GRHL1: variants seen among roughly 807,000 people sequenced by gnomAD.
The protein encoded by GRHL1 is grainyhead like transcription factor 1.
A neutral mutation model predicts 75.7 loss-of-function variants in GRHL1; 38 were observed. The observed-to-expected ratio is 0.50, with a 90% CI of 0.39 to 0.66. GRHL1 has a LOEUF of 0.66. Among genes scored for constraint, GRHL1 ranks in the 30% least tolerant of loss-of-function variants. The pLI, the probability that GRHL1 is intolerant of heterozygous loss-of-function variation, is 0.00. For synonymous variants in GRHL1, 266 were observed against 279.4 expected (o/e 0.95, Z 0.48); for missense variants, 589 against 767.5 (o/e 0.77, Z 2.75).
In GRHL1 at chr2:9,955,045, A is replaced by G. The variant is rs1044562083; in HGVS notation, c.151A>G (p.Ile51Val). ...TGCAGCGACCAAAGCGATGATGAGC[A>G]TCAATGGAGATGAAGACAGCGCCGC... The part of the protein sequence containing the change: ...LTAATKAMMS[I>V]NGDEDSAAAL... The change falls in exon 2 of 16, where the codon ATC (isoleucine) becomes GTC (valine). Residue 51 changes from isoleucine (I) to valine (V), a missense_variant. Coordinates refer to ENST00000324907, the MANE Select transcript of GRHL1 (RefSeq NM_198182.3). 13 of 1,613,756 alleles carry G rather than the reference A, an allele frequency of 8.1e-6. No individual in the cohort carries two copies. Among genetic ancestry groups the G allele is most frequent in the Non-Finnish European group, 8.5e-6 (10 of 1,179,764 alleles).
chr2:10,000,721 A>T lies in GRHL1; in HGVS notation c.*14A>T. 7.1e-7 allele frequency: 1 copy of T among 1,409,432 alleles called. No homozygotes were observed. The highest frequency in any genetic ancestry group is 1.0e-6 in the Non-Finnish European group (1 of 994,598). 87.3% of individuals were successfully genotyped at this position (1,409,432 alleles called of 1,614,324 possible). On this transcript the variant is annotated 3_prime_UTR_variant, in exon 16 of 16. Transcript: ENST00000324907. ...ACGGAGATCTAAAGGCCTGCGGGCC[A>T]CAGCTCCCCAGGAGTTCAGTGCAGG...
In GRHL1 at chr2:9,993,244, G is replaced by A; in HGVS notation, c.1499G>A (p.Gly500Asp). The A allele has an allele frequency of 6.2e-7, 1 of 1,609,182 alleles. No homozygotes were observed. The highest frequency in any genetic ancestry group is 8.5e-7 in the Non-Finnish European group (1 of 1,175,528). Residue 500 changes from glycine (G) to aspartate (D), a missense_variant and splice_region_variant, in exon 12 of 16, where the codon GGC becomes GAC. Gly to Asp is a moderately conservative substitution (Grantham distance 94). Transcript: ENST00000324907. ...PIASEELEGE[G>D]SVLKRGPYGT... The stretch of plus-strand genomic sequence containing the variant: ...GCCTCTGAAGAATTGGAGGGTGAAG[G>A]GTAAGATTTATGTTTTGTTTTGTTT...
At position 9,958,825 on chromosome 2, in the gene GRHL1, G is replaced by T; in HGVS notation, c.247G>T (p.Val83Leu). 6.2e-7 allele frequency: 1 copy of T among 1,613,854 alleles called. No individual in the cohort carries two copies. Among genetic ancestry groups the T allele is most frequent in the Non-Finnish European group, 8.5e-7 (1 of 1,179,774 alleles). ...ERRSSTAKPE[V>L]EHPEPDHSKR... The stretch of plus-strand genomic sequence containing the variant: ...AAGGTCATCAACAGCAAAGCCAGAG[G>T]TGGAGCACCCTGAGCCAGATCACAG... Residue 83 changes from valine to leucine, a missense_variant, in exon 3 of 16, where the codon GTG becomes TTG. Physicochemically the swap from Val to Leu is conservative, Grantham distance 32. Transcript: ENST00000324907.
intron 9 of GRHL1, among the ~76,000 whole-genome samples, chr2:9,986,657 A>G (rs1210810258): frequency 1.3e-5 from 2 of 151,994 alleles, no homozygotes; most frequent in Non-Finnish European, 1.5e-5. Context: ...AGCTCAGGTA[A>G]TCTGCCCACC....
intron 14 of GRHL1, among the ~76,000 whole-genome samples, chr2:9,998,423 C>CGTGCGTGTGTGT (rs1553306759): frequency 2.1e-4 from 7 of 33,860 alleles, no homozygotes; most frequent in African/African-American, 1.2e-3. Flanking sequence ...AGTGACTATG[C>CGTGCGTGTGTGT]ATGTGTGTGT....
intron 4 of GRHL1, among the ~76,000 whole-genome samples, chr2:9,961,693 C>T (rs1295129019): frequency 6.6e-6 from 1 of 152,118 alleles, no homozygotes; most frequent in Non-Finnish European, 1.5e-5. Flanking sequence ...AAGGGATTTG[C>T]TGGAGAAAGA....
At position 9,990,351 on chromosome 2, in the gene GRHL1, A is replaced by G. The variant is rs112793753; in HGVS notation, c.1270-345A>G. 0.021 allele frequency among the ~76,000 whole-genome samples: 3,249 copies of G among 152,032 alleles called. 121 individuals are homozygous for G. Among genetic ancestry groups the G allele is most frequent in the African/African-American group, 0.074 (3,064 of 41,454 alleles). On this transcript the variant is annotated intron_variant, in intron 9 of 15. Coordinates refer to ENST00000324907, the MANE Select transcript of GRHL1 (RefSeq NM_198182.3). This position sits in a 1 kb window ranked among gnomAD's most constrained non-coding sequence, Gnocchi z 4.2. ...TTTTTAGTAGAGGTGGGGTTTCACC[A>G]TGTTGGCCAGGCTGGTCTCGAACTC... is the stretch of plus-strand genomic sequence containing the variant.
At chr2:9,984,286 C>T (rs1337252798) in intron 8 of GRHL1, among the ~76,000 whole-genome samples, 1 of 152,128 alleles carries the variant, frequency 6.6e-6, no homozygotes, top group Non-Finnish European at 1.5e-5. Context: ...GGCTGTTGAC[C>T]CAGGGGCTAG....
Position 9,961,382 on chromosome 2 carries a change from A to G in GRHL1, c.615A>G (p.Gln205=). 6.2e-7 allele frequency: 1 copy of G among 1,614,138 alleles called. No individual in the cohort carries two copies. The highest frequency in any genetic ancestry group is 1.1e-5 in the South Asian group (1 of 91,068). The change falls in exon 4 of 16, where the codon CAA becomes CAG. Residue 205 remains glutamine, a synonymous_variant. Coordinates refer to ENST00000324907, the MANE Select transcript of GRHL1 (RefSeq NM_198182.3). ...CTGGTGCTCAAGCCCCAAATGCTCA[A>G]AGGCGAACTCCAGACTCGACCTTCT... The part of the protein sequence containing the change: ...FSSGAQAPNA[Q]RRTPDSTFSE...
intron 1 of GRHL1, among the ~76,000 whole-genome samples, 157 bp downstream of exon 1, chr2:9,952,010 G>A (rs756919507): frequency 7.1e-4 from 107 of 151,636 alleles, no homozygotes; most frequent in Non-Finnish European, 1.3e-3. Flanking sequence ...CACGGCCTTT[G>A]CCCCTTAGCC....
At position 9,955,112 on chromosome 2, in the gene GRHL1, C is replaced by T. The variant is rs371078694; in HGVS notation, c.207+11C>T. On this transcript the variant is annotated intron_variant, in intron 2 of 15. Transcript: ENST00000324907. ...TATGACTACTACAAGGTGGGTTTGC[C>T]TGCCTTTAAAACCCTTAACAGCAGT... 3.8e-6 allele frequency: 6 copies of T among 1,596,240 alleles called. No homozygotes were observed. Among genetic ancestry groups the T allele is most frequent in the African/African-American group, 1.3e-5 (1 of 74,162 alleles).
In GRHL1 at chr2:10,000,671, C is replaced by G. The variant is rs764591959; in HGVS notation, c.1821C>G (p.Ala607=). 6.2e-7 allele frequency: 1 copy of G among 1,611,272 alleles called. No individual in the cohort carries two copies. Among genetic ancestry groups the G allele is most frequent in the South Asian group, 1.1e-5 (1 of 90,934 alleles). Residue 607 remains alanine, a synonymous_variant, in exon 16 of 16, where the codon GCC becomes GCG. Coordinates refer to ENST00000324907, the MANE Select transcript of GRHL1 (RefSeq NM_198182.3). ...EDTFQLQIEE[A]GGSYKLTLTE... ...CCTTCCAGCTGCAGATTGAAGAAGC[C>G]GGGGGGTCTTACAAGCTCACCCTGA...
chr2:9,965,283 G>A lies in GRHL1; in HGVS notation c.1016-4G>A, dbSNP rs370872229. On this transcript the variant is annotated splice_region_variant and splice_polypyrimidine_tract_variant and intron_variant, in intron 7 of 15. Coordinates refer to ENST00000324907, the MANE Select transcript of GRHL1 (RefSeq NM_198182.3). ...TTCATTTTCTCTTCCACCGCTTCCT[G>A]TAGCTGACTATAAAGAAAGCTTCAA... 3 of 1,561,672 alleles carry A rather than the reference G, an allele frequency of 1.9e-6. No individual in the cohort carries two copies. Among genetic ancestry groups the A allele is most frequent in the African/African-American group, 1.4e-5 (1 of 73,920 alleles).
In GRHL1 at chr2:9,954,949, C is replaced by G. The variant is rs757409458; in HGVS notation, c.55C>G (p.Leu19Val). The change falls in exon 2 of 16, where the codon CTT (leucine) becomes GTT (valine). Residue 19 changes from leucine to valine, a missense_variant. By Grantham distance (32) the Leu-to-Val change is conservative. This residue lies in a region of GRHL1 where 362 missense variants were observed against 461.8 expected (regional missense o/e 0.78). Transcript: ENST00000324907. ...RPVLVLQNEALYPQRRSYTSE... is the reference protein window; with the variant it reads ...RPVLVLQNEAVYPQRRSYTSE... ...AGTGTTGGTTCTTCAGAATGAAGCACTTTATCCACAGCGGCGGTCCTACAC... is the reference window on the plus strand; with the variant it reads ...AGTGTTGGTTCTTCAGAATGAAGCAGTTTATCCACAGCGGCGGTCCTACAC... 7 of 1,613,706 alleles carry G rather than the reference C, an allele frequency of 4.3e-6. No homozygotes were observed. In the South Asian group the frequency reaches 5.5e-5, roughly 13 times the overall value.
chr2:9,952,885 A>G, intron 1 of GRHL1: 1 of 379,236 alleles, frequency 2.6e-6, no homozygotes, highest in Non-Finnish European at 5.3e-6. Context: ...AGTATCTTAA[A>G]TGGATTACTC....
intron 1 of GRHL1, among the ~76,000 whole-genome samples, chr2:9,952,641 G>A (rs1031365770): frequency 6.6e-6 from 1 of 152,178 alleles, no homozygotes; most frequent in African/African-American, 2.4e-5. Context: ...GGGATTAACT[G>A]GGCGAGGGAG....
At chr2:9,991,333 G>A (rs1183708734) in intron 10 of GRHL1, among the ~76,000 whole-genome samples, 1 of 152,030 alleles carries the variant, frequency 6.6e-6, no homozygotes, top group East Asian at 1.9e-4. Context: ...TGTAGTACAT[G>A]GGCTTCTGGC....
In GRHL1 at chr2:9,968,850, G is replaced by A. The variant is rs1667593517; in HGVS notation, c.1110+3469G>A. On this transcript the variant is annotated intron_variant, in intron 8 of 15. Coordinates refer to ENST00000324907, the MANE Select transcript of GRHL1 (RefSeq NM_198182.3). This position sits in a 1 kb window ranked among gnomAD's most constrained non-coding sequence, Gnocchi z 4.7. ...GCCTGCTGTGGACAAGGCGTGGGCTGGATCTAGGCTCCTGCCACTAGTTCC... is the reference window on the plus strand; with the variant it reads ...GCCTGCTGTGGACAAGGCGTGGGCTAGATCTAGGCTCCTGCCACTAGTTCC... 6.6e-6 allele frequency among the ~76,000 whole-genome samples: 1 copy of A among 152,208 alleles called. No homozygotes were observed. Among genetic ancestry groups the A allele is most frequent in the South Asian group, 2.1e-4 (1 of 4,832 alleles).
intron 8 of GRHL1, among the ~76,000 whole-genome samples, chr2:9,984,013 G>C (rs111447267): frequency 0.019 from 2,921 of 152,164 alleles, 37 homozygotes; most frequent in Non-Finnish European, 0.029. Flanking sequence ...AATTAGCCAG[G>C]TGTGGTGGTG....
Sources: gnomAD v4.1 joint callset for allele counts (sites outside exome capture counted in the v4.1 genomes callset) on GRCh38, gnomAD v4.1.1 for gene constraint, gnomAD v4.1.1 regional missense constraint, Gnocchi (gnomAD v3.1) non-coding constraint, MANE v1.5 for transcripts, NCBI Gene and HGNC (gene_info 2026-07-23, HGNC 2026-07-21) for gene names.